OR2L3: variants seen among roughly 807,000 people sequenced by gnomAD.
The protein encoded by OR2L3 is olfactory receptor family 2 subfamily L member 3, also known as olfactory receptor 2L3.
For synonymous variants in OR2L3, 131 were observed against 139.1 expected (o/e 0.94, Z 0.41); for missense variants, 369 against 376.6 (o/e 0.98, Z 0.17).
At chr1:248,052,164 G>T (rs1028784549) in intron 1 of OR2L3, among the ~76,000 whole-genome samples, 2 of 151,966 alleles carry the variant, frequency 1.3e-5, no homozygotes, top group African/African-American at 4.8e-5. Context: ...TTTATCTCTT[G>T]CATTTAGGAT....
At chr1:248,048,156 G>A (rs1209330479) in intron 1 of OR2L3, among the ~76,000 whole-genome samples, 7 of 152,110 alleles carry the variant, frequency 4.6e-5, no homozygotes, top group African/African-American at 1.7e-4. Flanking sequence ...ACTTACCTGT[G>A]TATCTATCTG....
chr1:248,051,969 G>A (rs1394919673), intron 1 of OR2L3, among the ~76,000 whole-genome samples: 1 of 152,094 alleles, frequency 6.6e-6, no homozygotes, highest in African/African-American at 2.4e-5. Flanking sequence ...GACATATGAT[G>A]CTTTGACTTG....
At position 248,052,499 on chromosome 1, in the gene OR2L3, C is replaced by A. The variant is rs180932299; in HGVS notation, c.-22+5619C>A. ...ATCCCAGCACTTTGGGAGGCCGAGC[C>A]GGGCAGATCACAAGGTAAGGAGGTT... On this transcript the variant is annotated intron_variant, in intron 1 of 1. Coordinates refer to ENST00000359959, the MANE Select transcript of OR2L3 (RefSeq NM_001004687.2). Among the ~76,000 whole-genome samples the A allele has an allele frequency of 1.7e-3, 253 of 152,098 alleles. 2 individuals carry two copies. Among genetic ancestry groups the A allele is most frequent in the East Asian group, 6.0e-3 (31 of 5,174 alleles).
intron 1 of OR2L3, among the ~76,000 whole-genome samples, chr1:248,057,691 T>A (rs1663477839): frequency 6.6e-6 from 1 of 152,188 alleles, no homozygotes; most frequent in Non-Finnish European, 1.5e-5. Context: ...TTTCTCATTT[T>A]CAATGTATAA....
rs770374093 is a variant in OR2L3 at position 248,061,274 on chromosome 1, T to A, written c.593T>A (p.Val198Glu). ...CMDTWVYEGTVFLSTTIFLVF... is the reference protein window; with the variant it reads ...CMDTWVYEGTEFLSTTIFLVF... ...GACACCTGGGTCTATGAGGGCACAG[T>A]GTTTTTGAGCACCACCATCTTTCTC... Residue 198 changes from valine (V) to glutamate (E), a missense_variant, in exon 2 of 2, where the codon GTG becomes GAG. Physicochemically the swap from Val to Glu is moderately radical, Grantham distance 121. Transcript: ENST00000359959. 4.4e-6 allele frequency: 7 copies of A among 1,605,226 alleles called. No individual in the cohort carries two copies. The highest frequency in any genetic ancestry group is 6.0e-6 in the Non-Finnish European group (7 of 1,175,132).
chr1:248,047,193 A>C (rs1019494119), intron 1 of OR2L3, among the ~76,000 whole-genome samples: 1 of 152,158 alleles, frequency 6.6e-6, no homozygotes, highest in South Asian at 2.1e-4. Flanking sequence ...CCACATTCAT[A>C]ATAATGATTG....
rs1558196891 is a variant in OR2L3, at chr1:248,046,855, T to A, written c.-47T>A. ...CCGTAAGCTAAGCAAAGGCAGTGAG[T>A]GTTTGGAAATGAGGAAATAATAAAG... On this transcript the variant is annotated 5_prime_UTR_variant, in exon 1 of 2. Transcript: ENST00000359959. The A allele has an allele frequency of 6.6e-6, 1 of 152,116 alleles. No individual in the cohort carries two copies. Among genetic ancestry groups the A allele is most frequent in the Admixed American group, 6.5e-5 (1 of 15,272 alleles). The allele number at this position is 152,116 out of a possible 1,614,324, so 9.4% of individuals were successfully genotyped here.
rs1328412721 is a variant in OR2L3 at position 248,060,724 on chromosome 1, G to A, written c.43G>A (p.Gly15Arg). The stretch of plus-strand genomic sequence containing the variant: ...AACATCAACTGATTTCATCTTATTA[G>A]GATTCTTCCCACCATCAAGAATTGG... ...NQTSTDFILLGFFPPSRIGLF... is the reference protein window; with the variant it reads ...NQTSTDFILLRFFPPSRIGLF... Residue 15 changes from glycine (G) to arginine (R), a missense_variant, in exon 2 of 2, where the codon GGA (glycine) becomes AGA (arginine). Transcript: ENST00000359959. 1 of 1,613,890 alleles carries A rather than the reference G, an allele frequency of 6.2e-7. No homozygotes were observed. Among genetic ancestry groups the A allele is most frequent in the Admixed American group, 1.7e-5 (1 of 60,002 alleles).
chr1:248,059,500 C>T (rs1283781256), intron 1 of OR2L3, among the ~76,000 whole-genome samples: 1 of 152,176 alleles, frequency 6.6e-6, no homozygotes. Flanking sequence ...TCTGCTTTAA[C>T]TAGAGAATTT....
intron 1 of OR2L3, among the ~76,000 whole-genome samples, chr1:248,052,721 A>G (rs61687437): frequency 0.022 from 3,281 of 151,892 alleles, 121 homozygotes; most frequent in African/African-American, 0.075. Flanking sequence ...ACAGAGTGAG[A>G]CTCCATCTCA....
intron 1 of OR2L3, among the ~76,000 whole-genome samples, chr1:248,059,270 G>A (rs1351719382): frequency 6.6e-6 from 1 of 152,130 alleles, no homozygotes; most frequent in Non-Finnish European, 1.5e-5. Context: ...AGTTCTTTTA[G>A]GCATACTGTG....
At chr1:248,053,426 T>G (rs117448880) in intron 1 of OR2L3, among the ~76,000 whole-genome samples, 6 of 152,238 alleles carry the variant, frequency 3.9e-5, no homozygotes, top group African/African-American at 1.4e-4. Flanking sequence ...CACATGCCAG[T>G]ACCTTTATAA....
At position 248,062,020 on chromosome 1, in the gene OR2L3, G is replaced by T. The variant is rs1459893420; in HGVS notation, c.*400G>T. 2 of 162,862 alleles carry T rather than the reference G, an allele frequency of 1.2e-5. No homozygotes were observed. Among genetic ancestry groups the T allele is most frequent in the Admixed American group, 5.8e-5 (1 of 17,340 alleles). 10.1% of individuals were successfully genotyped at this position (162,862 alleles called of 1,614,324 possible). A position where few individuals can be genotyped will look rare whatever the true frequency, so the allele number is the denominator to read the frequency against. ...ATGTCTAAAACAAAACAAAAAATAA[G>T]TCTCTTGACTTGGTGTATCTAGTTG... is the stretch of plus-strand genomic sequence containing the variant. On this transcript the variant is annotated 3_prime_UTR_variant, in exon 2 of 2. Coordinates refer to ENST00000359959, the MANE Select transcript of OR2L3 (RefSeq NM_001004687.2).
chr1:248,052,583 T>C (rs991896705), intron 1 of OR2L3, among the ~76,000 whole-genome samples: 6 of 151,986 alleles, frequency 3.9e-5, no homozygotes, highest in Non-Finnish European at 7.4e-5. Flanking sequence ...AAAAAAAAAT[T>C]AGCTGGGCGT....
chr1:248,059,760 A>G (rs2103124263), intron 1 of OR2L3, among the ~76,000 whole-genome samples: 1 of 152,320 alleles, frequency 6.6e-6, no homozygotes, highest in Middle Eastern at 3.4e-3. Flanking sequence ...CAGAATAAAC[A>G]TGGGTTGGGT....
intron 1 of OR2L3, among the ~76,000 whole-genome samples, chr1:248,052,376 AT>A (rs1319766049): frequency 1.3e-5 from 2 of 152,144 alleles, no homozygotes; most frequent in Non-Finnish European, 1.5e-5. Context: ...GTTGAGCTAT[AT>A]GTCTGGTGCC....
In OR2L3 at chr1:248,055,491, C is replaced by T. The variant is rs141941885; in HGVS notation, c.-21-5170C>T. Among the ~76,000 whole-genome samples the T allele has an allele frequency of 1.3e-3, 202 of 152,194 alleles. 1 individual carries two copies. Among genetic ancestry groups the T allele is most frequent in the Non-Finnish European group, 2.3e-3 (159 of 68,006 alleles). ...TTAGTGTGGGCTGGGCATGGTGACTCATGCCTGTAATCCCAGCACTCTGGA... is the reference window on the plus strand; with the variant it reads ...TTAGTGTGGGCTGGGCATGGTGACTTATGCCTGTAATCCCAGCACTCTGGA... On this transcript the variant is annotated intron_variant, in intron 1 of 1. Coordinates refer to ENST00000359959, the MANE Select transcript of OR2L3 (RefSeq NM_001004687.2).
rs143695103 is a variant in OR2L3 at position 248,049,063 on chromosome 1, T to C, written c.-22+2183T>C. On this transcript the variant is annotated intron_variant, in intron 1 of 1. Coordinates refer to ENST00000359959, the MANE Select transcript of OR2L3 (RefSeq NM_001004687.2). ...GCTTTGATCAAAGGTGAGGAAAATATAGGGAGTAAAATCTGTGCCTCCGTG... is the reference window on the plus strand; with the variant it reads ...GCTTTGATCAAAGGTGAGGAAAATACAGGGAGTAAAATCTGTGCCTCCGTG... Among the ~76,000 whole-genome samples the C allele has an allele frequency of 1.2e-4, 19 of 152,202 alleles. No homozygotes were observed. In the East Asian group the frequency reaches 3.7e-3, roughly 29 times the overall value.
At chr1:248,052,332 T>C (rs1468519118) in intron 1 of OR2L3, among the ~76,000 whole-genome samples, 4 of 152,210 alleles carry the variant, frequency 2.6e-5, no homozygotes, top group Non-Finnish European at 5.9e-5. Context: ...TTACCATGTA[T>C]ATGAGAGGCT....
Sources: allele counts gnomAD v4.1 joint callset (sites outside exome capture counted in the v4.1 genomes callset), GRCh38; gene constraint gnomAD v4.1.1; transcripts MANE v1.5; gene names NCBI Gene and HGNC (gene_info 2026-07-23, HGNC 2026-07-21).